The following RAD54B variants were observed in gnomAD, a reference collection of about 807,000 sequenced individuals.
RAD54B encodes DNA repair and recombination protein RAD54B.
RAD54B carries 78 observed loss-of-function variants against 95.8 expected under a neutral mutation model. That is an observed-to-expected ratio of 0.81 (90% CI 0.68 to 0.98). RAD54B has a LOEUF of 0.98. Ranked by LOEUF, RAD54B falls within the 50% of genes least tolerant of loss-of-function variation. The pLI, the probability that RAD54B is intolerant of heterozygous loss-of-function variation, is 0.00. For missense variants in RAD54B, 957 were observed against 1,056.6 expected (o/e 0.91, Z 1.31); for synonymous variants, 328 against 354.9 (o/e 0.92, Z 0.85).
At position 94,381,367 on chromosome 8, in the gene RAD54B, C is replaced by A. The variant is rs372112022; in HGVS notation, c.1986-961G>T. Among the ~76,000 whole-genome samples, 11 of 152,286 alleles carry A rather than the reference C, an allele frequency of 7.2e-5. No homozygotes were observed. In the East Asian group the frequency reaches 1.3e-3, roughly 19 times the overall value. ...TTACCCAATGATGATTATTAGTCAA[C>A]GAGCCCTGCCTATCCATACAGTGTT... On this transcript the variant is annotated intron_variant, in intron 11 of 14. Transcript: ENST00000336148.
chr8:94,463,893 C>CAAAAAAAAAAAAAAAAAAA (rs553168595), intron 2 of RAD54B, among the ~76,000 whole-genome samples: 5 of 90,958 alleles, frequency 5.5e-5, no homozygotes, highest in Middle Eastern at 5.9e-3. Flanking sequence ...GACCCTATCT[C>CAAAAAAAAAAAAAAAAAAA]AAAAAAAAAA....
intron 11 of RAD54B, among the ~76,000 whole-genome samples, chr8:94,382,738 C>G (rs991956679): frequency 6.6e-6 from 1 of 152,054 alleles, no homozygotes; most frequent in Admixed American, 6.5e-5. Context: ...ATGCTGTTCT[C>G]GTGATAGGGA....
In RAD54B at chr8:94,411,231, C is replaced by A. The variant is rs368351289; in HGVS notation, c.389G>T (p.Trp130Leu). The A allele has an allele frequency of 3.1e-6, 5 of 1,611,320 alleles. No homozygotes were observed. The African/African-American group carries it at 5.4e-5, about 17-fold the overall frequency. Residue 130 changes from tryptophan to leucine, a missense_variant, in exon 4 of 15, where the codon TGG becomes TTG. Transcript: ENST00000336148. ...ATGTTTTTTCTTTGAAGGCTTACAC[C>A]AAACAACACTGAAATATTTAACTAG... ...DSLVKYFSVV[W>L]CKPSKKKHKK...
At chr8:94,451,365 A>G (rs1586033185) in intron 3 of RAD54B, among the ~76,000 whole-genome samples, 1 of 152,364 alleles carries the variant, frequency 6.6e-6, no homozygotes, top group East Asian at 1.9e-4. Flanking sequence ...ACATTTATGA[A>G]TCCATAAAAA....
At chr8:94,471,866 TAAAAG>T (rs1401533255) in intron 1 of RAD54B, among the ~76,000 whole-genome samples, 3 of 151,700 alleles carry the variant, frequency 2.0e-5, no homozygotes, top group African/African-American at 4.8e-5. Flanking sequence ...TTAGTCCATA[TAAAAG>T]AAATTTTTAA....
At chr8:94,381,612 A>C (rs535750343) in intron 11 of RAD54B, among the ~76,000 whole-genome samples, 2 of 152,352 alleles carry the variant, frequency 1.3e-5, no homozygotes, top group African/African-American at 4.8e-5. Flanking sequence ...CAAAAGGAAC[A>C]ATCAAGAATT....
At chr8:94,381,446 T>C (rs1810738795) in intron 11 of RAD54B, among the ~76,000 whole-genome samples, 2 of 152,290 alleles carry the variant, frequency 1.3e-5, no homozygotes, top group African/African-American at 4.8e-5. Context: ...GAACACCAGC[T>C]ATTTGAAGTG....
intron 3 of RAD54B, among the ~76,000 whole-genome samples, chr8:94,419,747 CA>C (rs36042247): frequency 0.34 from 23,774 of 70,552 alleles, 2,134 homozygotes; most frequent in East Asian, 0.59. Flanking sequence ...TGGCCCCCAC[CA>C]AAAAAAAAAA....
intron 1 of RAD54B, among the ~76,000 whole-genome samples, chr8:94,473,490 G>A (rs1813218802): frequency 6.6e-6 from 1 of 152,190 alleles, no homozygotes; most frequent in Non-Finnish European, 1.5e-5. Context: ...CTTACACACC[G>A]GACTGTTGGG....
chr8:94,448,902 TTAAA>T (rs1189765909), intron 3 of RAD54B, among the ~76,000 whole-genome samples: 2 of 152,136 alleles, frequency 1.3e-5, no homozygotes, highest in Non-Finnish European at 2.9e-5. Context: ...AGGTACTTTG[TTAAA>T]TAAGTAGATT....
rs1462313553 is a variant in RAD54B, at chr8:94,411,319, C to T, written c.305-4G>A. 1.9e-6 allele frequency: 3 copies of T among 1,540,920 alleles called. No individual in the cohort carries two copies. The highest frequency in any genetic ancestry group is 2.4e-5 in the Admixed American group (1 of 41,488). ...ACTTCTTTAGGAGCCGAATGAACTACAATTAAAAAAAAAACACACATTATT... is the reference window on the plus strand; with the variant it reads ...ACTTCTTTAGGAGCCGAATGAACTATAATTAAAAAAAAAACACACATTATT... On this transcript the variant is annotated splice_region_variant and splice_polypyrimidine_tract_variant and intron_variant, in intron 3 of 14. Coordinates refer to ENST00000336148, the MANE Select transcript of RAD54B (RefSeq NM_012415.3).
chr8:94,455,047 T>G (rs193251579), intron 3 of RAD54B, among the ~76,000 whole-genome samples: 1 of 152,210 alleles, frequency 6.6e-6, no homozygotes, highest in Non-Finnish European at 1.5e-5. Context: ...TCTAGCCCCC[T>G]ACCATTCCTC....
At chr8:94,463,622 G>A (rs546436237) in intron 2 of RAD54B, among the ~76,000 whole-genome samples, 1 of 152,060 alleles carries the variant, frequency 6.6e-6, no homozygotes, top group African/African-American at 2.4e-5. Context: ...GCTCACATCT[G>A]TAATTCCAAC....
rs972336249 is a variant in RAD54B, at chr8:94,393,799, A to G, written c.1462T>C (p.Tyr488His). 6.3e-7 allele frequency: 1 copy of G among 1,583,390 alleles called. No individual in the cohort carries two copies. The highest frequency in any genetic ancestry group is 1.4e-5 in the African/African-American group (1 of 74,052). Residue 488 changes from tyrosine (Y) to histidine (H), a missense_variant, in exon 9 of 15, where the codon TAT becomes CAT. By Grantham distance (83) the Tyr-to-His change is moderately conservative (BLOSUM62 2). Coordinates refer to ENST00000336148, the MANE Select transcript of RAD54B (RefSeq NM_012415.3). ...NPGILGSLSS[Y>H]RKIYEEPIIL... ...ATGGGTTCTTCATATATTTTCCTAT[A>G]AGATGACAAAGAGCCTAATATTCCT...
intron 4 of RAD54B, among the ~76,000 whole-genome samples, 192 bp from the exon 5 acceptor site, chr8:94,407,912 T>C (rs1811435225): frequency 6.6e-6 from 1 of 152,142 alleles, no homozygotes; most frequent in Non-Finnish European, 1.5e-5. Flanking sequence ...GCTATCAAAT[T>C]AGCCATGCTT....
chr8:94,454,554 T>C (rs1332215563), intron 3 of RAD54B, among the ~76,000 whole-genome samples: 2 of 152,220 alleles, frequency 1.3e-5, no homozygotes, highest in Non-Finnish European at 2.9e-5. Context: ...CTAATTACAA[T>C]ATAAATATGA....
intron 4 of RAD54B, among the ~76,000 whole-genome samples, chr8:94,410,007 T>C (rs12542942): frequency 0.13 from 20,055 of 152,164 alleles, 1,877 homozygotes; most frequent in African/African-American, 0.26. Flanking sequence ...CATATTTTTA[T>C]AATAAATAAA....
At chr8:94,436,390 C>T in intron 3 of RAD54B, 2 of 1,332,660 alleles carry the variant, frequency 1.5e-6, no homozygotes, top group Admixed American at 3.0e-5. Flanking sequence ...ATTCATTGCT[C>T]CCGTTGTGGG....
Position 94,372,296 on chromosome 8 carries a change from G to C in RAD54B, c.2607C>G (p.Ser869=). The part of the protein sequence containing the change: ...KSNSLKPLSM[S]QLKQWKHFSG... ...AAAAATGTTTCCATTGCTTCAGCTGGGACATAGAAAGAGGTTTCAGGGAGT... is the reference window on the plus strand; with the variant it reads ...AAAAATGTTTCCATTGCTTCAGCTGCGACATAGAAAGAGGTTTCAGGGAGT... Residue 869 remains serine (S), a synonymous_variant, in exon 15 of 15, where the codon TCC becomes TCG. Coordinates refer to ENST00000336148, the MANE Select transcript of RAD54B (RefSeq NM_012415.3). The C allele has an allele frequency of 6.2e-7, 1 of 1,613,780 alleles. No homozygotes were observed. The highest frequency in any genetic ancestry group is 8.5e-7 in the Non-Finnish European group (1 of 1,179,886).
Sources: gnomAD v4.1 joint callset for allele counts (sites outside exome capture counted in the v4.1 genomes callset) on GRCh38, gnomAD v4.1.1 for gene constraint, MANE v1.5 for transcripts, NCBI Gene and HGNC (gene_info 2026-07-23, HGNC 2026-07-21) for gene names.